Variants in CCN5 observed in about 807,000 individuals in gnomAD.
CCN5 encodes the protein CCN family member 5.
Under a neutral mutation model 18.7 loss-of-function variants are expected in CCN5, and 17 were observed. The ratio of observed to expected loss-of-function variants is 0.91; its 90% CI spans 0.62 to 1.36. CCN5 has a LOEUF of 1.36. Among genes scored for constraint, CCN5 ranks in the 40% most tolerant of loss-of-function variants. The pLI, the probability that CCN5 is intolerant of heterozygous loss-of-function variation, is 0.00. For synonymous variants in CCN5, 135 were observed against 145.2 expected (o/e 0.93, Z 0.50); for missense variants, 367 against 342.9 (o/e 1.07, Z -0.56).
chr20:44,717,797 T>A (rs536099817), intron 1 of CCN5, among the ~76,000 whole-genome samples: 1 of 150,746 alleles, frequency 6.6e-6, no homozygotes, highest in South Asian at 2.1e-4. Flanking sequence ...AAGAATTGCT[T>A]GAACCTGGGA....
chr20:44,725,228 A>G (rs1487239193), intron 3 of CCN5, among the ~76,000 whole-genome samples: 3 of 151,938 alleles, frequency 2.0e-5, no homozygotes, highest in African/African-American at 7.3e-5. Flanking sequence ...ACCTGAGGTT[A>G]GGAATTCGAA....
rs138148513 is a variant in CCN5 at position 44,726,476 on chromosome 20, T to C, written c.533-611T>C. Among the ~76,000 whole-genome samples, 109 of 152,266 alleles carry C rather than the reference T, an allele frequency of 7.2e-4. 3 individuals carry two copies. The highest frequency in any genetic ancestry group is 4.4e-3 in the Admixed American group (68 of 15,284). ...GGTTTTCCTGTGCACTGCAGGGTGC[T>C]TAGCAGCATTCCTGACTTCTACTCA... is the stretch of plus-strand genomic sequence containing the variant. On this transcript the variant is annotated intron_variant, in intron 3 of 3. Transcript: ENST00000190983.
chr20:44,727,516 C>T lies in CCN5; in HGVS notation c.*209C>T. 7.2e-7 allele frequency: 1 copy of T among 1,390,640 alleles called. No individual in the cohort carries two copies. The highest frequency in any genetic ancestry group is 1.5e-5 in the African/African-American group (1 of 67,516). 86.1% of individuals were successfully genotyped at this position (1,390,640 alleles called of 1,614,324 possible). A position where few individuals can be genotyped will look rare whatever the true frequency, so the allele number is the denominator to read the frequency against. ...TGGCAGAGGTGCAAGACCTAGTCCC[C>T]TTTCCTCTAACTCACTGCCTAGGAG... is the stretch of plus-strand genomic sequence containing the variant. On this transcript the variant is annotated 3_prime_UTR_variant, in exon 4 of 4. Coordinates refer to ENST00000190983, the MANE Select transcript of CCN5 (RefSeq NM_003881.4).
intron 1 of CCN5, chr20:44,716,905 G>A (rs1237444195): frequency 6.6e-6 from 1 of 152,218 alleles, no homozygotes; most frequent in East Asian, 1.9e-4. Context: ...AGAAAACTGA[G>A]CTTCACCTCC....
At position 44,727,677 on chromosome 20, in the gene CCN5, G is replaced by A. The variant is rs1398370509; in HGVS notation, c.*370G>A. 5.8e-6 allele frequency: 3 copies of A among 521,264 alleles called. No individual in the cohort carries two copies. Among genetic ancestry groups the A allele is most frequent in the Non-Finnish European group, 8.8e-6 (3 of 342,492 alleles). The allele number at this position is 521,264 out of a possible 1,614,324, so 32.3% of individuals were successfully genotyped here. A position where few individuals can be genotyped will look rare whatever the true frequency, so the allele number is the denominator to read the frequency against. ...GGGACAAGCAGTCCCTTAATATTGA[G>A]GCTGCAGCAGGTGCTGGGCTGGACT... On this transcript the variant is annotated 3_prime_UTR_variant, in exon 4 of 4. Coordinates refer to ENST00000190983, the MANE Select transcript of CCN5 (RefSeq NM_003881.4).
At chr20:44,715,594 G>C in intron 1 of CCN5, 144 bp downstream of exon 1, 2 of 896,914 alleles carry the variant, frequency 2.2e-6, no homozygotes, top group Non-Finnish European at 3.4e-6. Context: ...TGCCTAAGCA[G>C]GGCTTCTCTC....
chr20:44,725,528 T>C (rs1369253900), intron 3 of CCN5, among the ~76,000 whole-genome samples: 1 of 152,084 alleles, frequency 6.6e-6, no homozygotes, highest in African/African-American at 2.4e-5. Flanking sequence ...TTGAGATGTG[T>C]AATTTAAAAC....
chr20:44,718,554 T>C (rs1268755402), intron 1 of CCN5, among the ~76,000 whole-genome samples: 1 of 152,166 alleles, frequency 6.6e-6, no homozygotes, highest in Non-Finnish European at 1.5e-5. Context: ...ACCTGCTGTA[T>C]GCTTTGGTTG....
At chr20:44,715,200 C>T (rs970040716), upstream of CCN5, 5 of 600,620 alleles carry the variant, frequency 8.3e-6, no homozygotes, top group African/African-American at 1.9e-5. Context: ...GGATGGGAAG[C>T]GAAGCAAGGA....
Position 44,727,671 on chromosome 20 carries a change from T to C in CCN5, c.*364T>C, listed in dbSNP as rs1170120700. ...AGAGATGGGACAAGCAGTCCCTTAA[T>C]ATTGAGGCTGCAGCAGGTGCTGGGC... On this transcript the variant is annotated 3_prime_UTR_variant, in exon 4 of 4. Coordinates refer to ENST00000190983, the MANE Select transcript of CCN5 (RefSeq NM_003881.4). 7.2e-6 allele frequency: 4 copies of C among 557,402 alleles called. No individual in the cohort carries two copies. The highest frequency in any genetic ancestry group is 1.9e-5 in the African/African-American group (1 of 51,442). 34.5% of individuals were successfully genotyped at this position (557,402 alleles called of 1,614,324 possible).
intron 2 of CCN5, 149 bp from the exon 3 acceptor site, chr20:44,724,588 TG>T: frequency 1.6e-6 from 2 of 1,242,074 alleles, no homozygotes; most frequent in Non-Finnish European, 2.2e-6. Context: ...GGTGGAGGGC[TG>T]GGGAGAGGTG....
chr20:44,727,585 C>A lies in CCN5; in HGVS notation c.*278C>A. ...GGTCCTCTAGCCCACTCCCTGCCTA[C>A]ACACACAGCCTATATCAAACATGCA... is the stretch of plus-strand genomic sequence containing the variant. On this transcript the variant is annotated 3_prime_UTR_variant, in exon 4 of 4. Coordinates refer to ENST00000190983, the MANE Select transcript of CCN5 (RefSeq NM_003881.4). 8.1e-7 allele frequency: 1 copy of A among 1,238,388 alleles called. No homozygotes were observed. Among genetic ancestry groups the A allele is most frequent in the Non-Finnish European group, 1.0e-6 (1 of 965,380 alleles). The allele number at this position is 1,238,388 out of a possible 1,614,324, so 76.7% of individuals were successfully genotyped here.
Position 44,727,246 on chromosome 20 carries a change from T to C in CCN5, c.692T>C (p.Leu231Pro). The C allele has an allele frequency of 6.2e-7, 1 of 1,613,732 alleles. No homozygotes were observed. Among genetic ancestry groups the C allele is most frequent in the Non-Finnish European group, 8.5e-7 (1 of 1,179,990 alleles). The change falls in exon 4 of 4, where the codon CTG becomes CCG. Residue 231 changes from leucine to proline, a missense_variant. Coordinates refer to ENST00000190983, the MANE Select transcript of CCN5 (RefSeq NM_003881.4). Reference sequence around the variant, plus strand: ...TGCCGACTGGAGACCCAGCGCCGCCTGTGCCTGTCCAGGCCCTGCCCACCC... The same window carrying C: ...TGCCGACTGGAGACCCAGCGCCGCCCGTGCCTGTCCAGGCCCTGCCCACCC... ...RFCRLETQRR[L>P]CLSRPCPPSR...
Position 44,727,493 on chromosome 20 carries a change from G to A in CCN5, c.*186G>A. 1 of 1,420,810 alleles carries A rather than the reference G, an allele frequency of 7.0e-7. No homozygotes were observed. Among genetic ancestry groups the A allele is most frequent in the Admixed American group, 3.2e-5 (1 of 31,304 alleles). 88.0% of individuals were successfully genotyped at this position (1,420,810 alleles called of 1,614,324 possible). A position where few individuals can be genotyped will look rare whatever the true frequency, so the allele number is the denominator to read the frequency against. On this transcript the variant is annotated 3_prime_UTR_variant, in exon 4 of 4. Transcript: ENST00000190983. ...TGGTCTGTCTGGATCCCGAGGTATG[G>A]CAGAGGTGCAAGACCTAGTCCCCTT...
At position 44,720,119 on chromosome 20, in the gene CCN5, C is replaced by T. The variant is rs753734233; in HGVS notation, c.277+6C>T. On this transcript the variant is annotated splice_donor_region_variant and intron_variant, in intron 2 of 3. Transcript: ENST00000190983. The stretch of plus-strand genomic sequence containing the variant: ...CCGGGGGGCCCTGTGCCTCTGTAAG[C>T]AGGTTTGCAGGACTGAGTGGGGGCG... 1.3e-6 allele frequency: 2 copies of T among 1,542,524 alleles called. No homozygotes were observed. Among genetic ancestry groups the T allele is most frequent in the Admixed American group, 3.9e-5 (2 of 51,090 alleles).
intron 1 of CCN5, among the ~76,000 whole-genome samples, chr20:44,716,077 C>T (rs1433051943): frequency 6.6e-6 from 1 of 152,198 alleles, no homozygotes; most frequent in African/African-American, 2.4e-5. Context: ...TTAAGTGAGG[C>T]TCAGAAAGGG....
At chr20:44,726,998 A>G (rs2065939930) in intron 3 of CCN5, 89 bp from the exon 4 acceptor site, 1 of 1,299,004 alleles carries the variant, frequency 7.7e-7, no homozygotes, top group Non-Finnish European at 1.1e-6. Flanking sequence ...GAGCCATTTG[A>G]CCAAGATTGC....
At chr20:44,721,624 T>C (rs2065900890) in intron 2 of CCN5, 2 of 152,054 alleles carry the variant, frequency 1.3e-5, no homozygotes, top group Non-Finnish European at 2.9e-5. Flanking sequence ...GATGATTGCT[T>C]ATGAAAATGT....
intron 1 of CCN5, 54 bp downstream of exon 1, chr20:44,715,504 GT>G: frequency 1.3e-6 from 2 of 1,543,350 alleles, no homozygotes; most frequent in Non-Finnish European, 1.8e-6. Context: ...TGTGGAGGGG[GT>G]GGGGATGTAA....
Sources: gnomAD v4.1 joint callset for allele counts (sites outside exome capture counted in the v4.1 genomes callset) on GRCh38, gnomAD v4.1.1 for gene constraint, MANE v1.5 for transcripts, NCBI Gene and HGNC (gene_info 2026-07-23, HGNC 2026-07-21) for gene names.